TSHZ2: variants seen among roughly 807,000 people sequenced by gnomAD.
TSHZ2 encodes the protein teashirt homolog 2.
Under a neutral mutation model 74.4 loss-of-function variants are expected in TSHZ2, and 21 were observed. The ratio of observed to expected loss-of-function variants is 0.28; its 90% CI spans 0.20 to 0.41. TSHZ2 has a LOEUF of 0.41. Ranked by LOEUF, TSHZ2 falls within the 10% of genes least tolerant of loss-of-function variation. The pLI is 1.00. For synonymous variants in TSHZ2, 540 were observed against 515.3 expected (o/e 1.05, Z -0.65); for missense variants, 1,244 against 1,293.5 (o/e 0.96, Z 0.59).
chr20:53,308,118 G>T (rs1034758538), intron 2 of TSHZ2, among the ~76,000 whole-genome samples: 1 of 152,188 alleles, frequency 6.6e-6, no homozygotes, highest in Non-Finnish European at 1.5e-5. Context: ...AAGGGCGTTT[G>T]CATAGTAAAT....
At chr20:53,477,973 C>T (rs1307800119) in intron 2 of TSHZ2, among the ~76,000 whole-genome samples, 4 of 143,748 alleles carry the variant, frequency 2.8e-5, no homozygotes, top group Non-Finnish European at 6.1e-5. Context: ...TACTATCTCA[C>T]ACTAGTTAGA....
intron 2 of TSHZ2, among the ~76,000 whole-genome samples, chr20:53,366,086 C>T (rs1437479380): frequency 6.6e-6 from 1 of 152,200 alleles, no homozygotes; most frequent in Non-Finnish European, 1.5e-5. Flanking sequence ...AGGGGGAATA[C>T]AAACAGCTCA....
At chr20:53,417,698 A>T (rs1983321108) in intron 2 of TSHZ2, among the ~76,000 whole-genome samples, 2 of 152,094 alleles carry the variant, frequency 1.3e-5, no homozygotes, top group Non-Finnish European at 1.5e-5. Flanking sequence ...AAAATTTCTG[A>T]TGTCTAACCT....
intron 2 of TSHZ2, among the ~76,000 whole-genome samples, chr20:53,400,936 C>G (rs1982635129): frequency 6.6e-6 from 1 of 152,214 alleles, no homozygotes; most frequent in Non-Finnish European, 1.5e-5. Flanking sequence ...ACAAACATCT[C>G]TCATGTTTAA....
intron 2 of TSHZ2, among the ~76,000 whole-genome samples, chr20:53,285,884 A>G (rs1315930633): frequency 6.6e-6 from 1 of 152,212 alleles, no homozygotes; most frequent in Non-Finnish European, 1.5e-5. Flanking sequence ...GATGGATTGA[A>G]TATCTACTAT....
At chr20:53,238,275 A>G (rs556836254) in intron 1 of TSHZ2, among the ~76,000 whole-genome samples, 2 of 152,290 alleles carry the variant, frequency 1.3e-5, no homozygotes, top group Non-Finnish European at 2.9e-5. Context: ...AGCGATAAAT[A>G]TTATCTTTGG....
chr20:53,176,724 G>C (rs1179402880), intron 1 of TSHZ2, among the ~76,000 whole-genome samples: 2 of 143,624 alleles, frequency 1.4e-5, no homozygotes, highest in Non-Finnish European at 3.0e-5. Flanking sequence ...GTCTCGCTCT[G>C]TCACCAGGCT....
chr20:53,468,361 GC>G (rs773694533), intron 2 of TSHZ2, among the ~76,000 whole-genome samples: 2 of 152,162 alleles, frequency 1.3e-5, no homozygotes, highest in Non-Finnish European at 2.9e-5. Flanking sequence ...TGAAGAGTGT[GC>G]TTTATGGAAA....
chr20:53,091,742 C>G (rs1909037745), intron 1 of TSHZ2, among the ~76,000 whole-genome samples: 1 of 152,112 alleles, frequency 6.6e-6, no homozygotes, highest in Non-Finnish European at 1.5e-5. Context: ...AGAGAGTGTG[C>G]TAAAAACCCG....
chr20:53,117,211 C>A (rs530751419), intron 1 of TSHZ2, among the ~76,000 whole-genome samples: 1 of 152,270 alleles, frequency 6.6e-6, no homozygotes, highest in African/African-American at 2.4e-5. Flanking sequence ...TTAAGGGGAA[C>A]AAGCATGCAG....
intron 1 of TSHZ2, among the ~76,000 whole-genome samples, chr20:53,114,503 T>C (rs188511990): frequency 2.0e-5 from 3 of 152,302 alleles, no homozygotes; most frequent in African/African-American, 7.2e-5. Context: ...AAGCACTCCA[T>C]AAATACTAGC....
At chr20:53,049,011 T>C (rs1388195643) in intron 1 of TSHZ2, among the ~76,000 whole-genome samples, 2 of 152,230 alleles carry the variant, frequency 1.3e-5, no homozygotes, top group African/African-American at 4.8e-5. Flanking sequence ...AACTCAGTCT[T>C]CATGCCTATG....
chr20:53,163,456 A>T (rs61479214), intron 1 of TSHZ2, among the ~76,000 whole-genome samples: 7,788 of 94,444 alleles, frequency 0.082, 440 homozygotes, highest in East Asian at 0.39. Context: ...ATTTTATTTT[A>T]TTTTTTTTTA....
At chr20:53,311,255 G>T (rs916586487) in intron 2 of TSHZ2, among the ~76,000 whole-genome samples, 1 of 152,136 alleles carries the variant, frequency 6.6e-6, no homozygotes, top group African/African-American at 2.4e-5. Flanking sequence ...TTACTACATT[G>T]TACATTACCT....
At chr20:53,014,418 A>T (rs1982962741) in intron 1 of TSHZ2, among the ~76,000 whole-genome samples, 1 of 152,064 alleles carries the variant, frequency 6.6e-6, no homozygotes, top group Non-Finnish European at 1.5e-5. Context: ...GATTAGAAAA[A>T]TTCCCTACAT....
rs71897861 is a variant in TSHZ2 at position 53,050,103 on chromosome 20, G to GTATA, written c.40+76789_40+76792dup. On this transcript the variant is annotated intron_variant, in intron 1 of 2. Transcript: ENST00000371497. ...CTCAAAAAAAAAAATGTATATGTGT[G>GTATA]TATATATATATATATATATATACAC... 3.5e-3 allele frequency among the ~76,000 whole-genome samples: 409 copies of GTATA among 115,986 alleles called. 6 individuals are homozygous for GTATA. Among genetic ancestry groups the GTATA allele is most frequent in the African/African-American group, 0.014 (364 of 25,726 alleles). The allele number at this position is 115,986 out of a possible 152,430, so 76.1% of individuals were successfully genotyped here.
At chr20:53,392,989 C>A (rs1478102824) in intron 2 of TSHZ2, among the ~76,000 whole-genome samples, 1 of 152,056 alleles carries the variant, frequency 6.6e-6, no homozygotes, top group Non-Finnish European at 1.5e-5. Context: ...TGCACCACCA[C>A]GCCCAGATAG....
At chr20:53,322,284 G>C (rs545411475) in intron 2 of TSHZ2, among the ~76,000 whole-genome samples, 1 of 152,164 alleles carries the variant, frequency 6.6e-6, no homozygotes, top group Non-Finnish European at 1.5e-5. Context: ...ACGCCAAGGC[G>C]GGTGGATCAC....
chr20:52,976,796 T>C (rs1981356367), intron 1 of TSHZ2, among the ~76,000 whole-genome samples: 1 of 152,202 alleles, frequency 6.6e-6, no homozygotes, highest in Non-Finnish European at 1.5e-5. Flanking sequence ...CTTTTATATA[T>C]GTAAGTTATA....
Sources: gnomAD v4.1 joint callset for allele counts (sites outside exome capture counted in the v4.1 genomes callset) on GRCh38, gnomAD v4.1.1 for gene constraint, MANE v1.5 for transcripts, NCBI Gene and HGNC (gene_info 2026-07-23, HGNC 2026-07-21) for gene names.